The following ASB18 variants were observed in gnomAD, a reference collection of about 807,000 sequenced individuals.
ASB18 encodes the protein ankyrin repeat and SOCS box protein 18.
ASB18 carries 33 observed loss-of-function variants against 33.4 expected under a neutral mutation model. That is an observed-to-expected ratio of 0.99 (90% CI 0.75 to 1.32). The LOEUF is 1.32. Among genes scored for constraint, ASB18 ranks in the 40% most tolerant of loss-of-function variants. ASB18 has a pLI of 0.00. For missense variants in ASB18, 694 were observed against 655.5 expected (o/e 1.06, Z -0.64); for synonymous variants, 295 against 307.6 (o/e 0.96, Z 0.43).
At chr2:236,236,472 A>G (rs1247832005) in intron 3 of ASB18, among the ~76,000 whole-genome samples, 1 of 152,174 alleles carries the variant, frequency 6.6e-6, no homozygotes, top group Non-Finnish European at 1.5e-5. Context: ...ACGAGTGTAT[A>G]AGTCTGCGGA....
At position 236,238,197 on chromosome 2, in the gene ASB18, G is replaced by A. The variant is rs141980124; in HGVS notation, c.329-241C>T. Among the ~76,000 whole-genome samples, 1 of 152,076 alleles carries A rather than the reference G, an allele frequency of 6.6e-6. No homozygotes were observed. The highest frequency in any genetic ancestry group is 1.5e-5 in the Non-Finnish European group (1 of 68,016). On this transcript the variant is annotated intron_variant, in intron 2 of 5. Coordinates refer to ENST00000409749, the MANE Select transcript of ASB18 (RefSeq NM_212556.4). This position sits in a 1 kb window ranked among gnomAD's most constrained non-coding sequence, Gnocchi z 5.2. ...AAAGGAGAGATTGAAGGCTAAAACC[G>A]AGCTAGAGAGATGGGGCGCCGGGTA...
chr2:236,207,019 A>G (rs539293348), intron 4 of ASB18, among the ~76,000 whole-genome samples: 10 of 152,320 alleles, frequency 6.6e-5, no homozygotes, highest in Admixed American at 2.6e-4. Context: ...GACAGAGACA[A>G]AAGAGAGAAA....
At position 236,196,588 on chromosome 2, in the gene ASB18, G is replaced by T. The variant is rs534937038; in HGVS notation, c.1102-203C>A. On this transcript the variant is annotated intron_variant, in intron 4 of 5. Coordinates refer to ENST00000409749, the MANE Select transcript of ASB18 (RefSeq NM_212556.4). This position sits in a 1 kb window ranked among gnomAD's most constrained non-coding sequence, Gnocchi z 5.6. ...AGTGCACACAAAGACACAAGGCAAC[G>T]GCTCTGCAAGGGAGCCCTCCTTCCC... Among the ~76,000 whole-genome samples the T allele has an allele frequency of 6.9e-4, 105 of 152,318 alleles. No individual in the cohort carries two copies. Among genetic ancestry groups the T allele is most frequent in the African/African-American group, 2.3e-3 (96 of 41,590 alleles).
Position 236,263,676 on chromosome 2 carries a change from T to C in ASB18, c.205+465A>G, listed in dbSNP as rs959901560. 3.3e-5 allele frequency among the ~76,000 whole-genome samples: 5 copies of C among 152,188 alleles called. No homozygotes were observed. Among genetic ancestry groups the C allele is most frequent in the Admixed American group, 2.0e-4 (3 of 15,302 alleles). Reference sequence around the variant, plus strand: ...AAGATGTTCGTTACAGCATTATTTATAGAAGCAAAAAGGTAACCAAATACT... The same window carrying C: ...AAGATGTTCGTTACAGCATTATTTACAGAAGCAAAAAGGTAACCAAATACT... On this transcript the variant is annotated intron_variant, in intron 1 of 5. Transcript: ENST00000409749. The surrounding 1 kb of genome is among the most constrained non-coding windows in gnomAD (Gnocchi z 4.0).
chr2:236,212,658 T>C (rs911787474), intron 4 of ASB18, among the ~76,000 whole-genome samples: 1 of 152,232 alleles, frequency 6.6e-6, no homozygotes, highest in Non-Finnish European at 1.5e-5. Context: ...AGGGTCTTGC[T>C]CTATCACCCA....
rs147437129 is a variant in ASB18, at chr2:236,251,445, G to A, written c.206-10043C>T. 7.0e-4 allele frequency among the ~76,000 whole-genome samples: 107 copies of A among 152,284 alleles called. No individual in the cohort carries two copies. Among genetic ancestry groups the A allele is most frequent in the Middle Eastern group, 3.4e-3 (1 of 294 alleles). On this transcript the variant is annotated intron_variant, in intron 1 of 5. Transcript: ENST00000409749. This position sits in a 1 kb window ranked among gnomAD's most constrained non-coding sequence, Gnocchi z 5.3. Reference sequence around the variant, plus strand: ...GCTCCTGCCTCTTGAGACAAATTGCGTGTTCAGACTGATTGTTTTTTATGA... The same window carrying A: ...GCTCCTGCCTCTTGAGACAAATTGCATGTTCAGACTGATTGTTTTTTATGA...
Position 236,208,716 on chromosome 2 carries a change from C to T in ASB18, c.1101+5646G>A, listed in dbSNP as rs1293010368. On this transcript the variant is annotated intron_variant, in intron 4 of 5. Transcript: ENST00000409749. The surrounding 1 kb of genome is among the most constrained non-coding windows in gnomAD (Gnocchi z 7.7). ...CTCTGTTCCACCTCTCTGGGGCTCCCTGCCCCTCCCCGTCCTCTGCATCGT... is the reference window on the plus strand; with the variant it reads ...CTCTGTTCCACCTCTCTGGGGCTCCTTGCCCCTCCCCGTCCTCTGCATCGT... Among the ~76,000 whole-genome samples the T allele has an allele frequency of 6.6e-6, 1 of 152,204 alleles. No homozygotes were observed. Among genetic ancestry groups the T allele is most frequent in the African/African-American group, 2.4e-5 (1 of 41,448 alleles).
rs1364787909 is a variant in ASB18, at chr2:236,221,971, A to C, written c.597-7105T>G. Among the ~76,000 whole-genome samples, 1 of 152,198 alleles carries C rather than the reference A, an allele frequency of 6.6e-6. No homozygotes were observed. The highest frequency in any genetic ancestry group is 1.5e-5 in the Non-Finnish European group (1 of 68,032). On this transcript the variant is annotated intron_variant, in intron 3 of 5. Transcript: ENST00000409749. This position sits in a 1 kb window ranked among gnomAD's most constrained non-coding sequence, Gnocchi z 5.6. ...CTGGGTCCCAGGGTGGGTGCTGGGC[A>C]TGTGCCAGCCTATGGGGGCAAGGTT...
At chr2:236,224,659 T>C (rs948279624) in intron 3 of ASB18, among the ~76,000 whole-genome samples, 1 of 152,248 alleles carries the variant, frequency 6.6e-6, no homozygotes, top group African/African-American at 2.4e-5. Context: ...TGTGCAACCT[T>C]ACTGGCATAA....
At chr2:236,199,320 G>A (rs550987803) in intron 4 of ASB18, among the ~76,000 whole-genome samples, 163 of 151,342 alleles carry the variant, frequency 1.1e-3, no homozygotes, top group African/African-American at 3.4e-3. Flanking sequence ...GCTGAGGCAG[G>A]AGAATCGCTT....
chr2:236,259,118 T>A lies in ASB18; in HGVS notation c.205+5023A>T, dbSNP rs747666594. Among the ~76,000 whole-genome samples the A allele has an allele frequency of 1.4e-4, 21 of 152,154 alleles. No homozygotes were observed. The highest frequency in any genetic ancestry group is 2.6e-4 in the Non-Finnish European group (18 of 68,030). On this transcript the variant is annotated intron_variant, in intron 1 of 5. Transcript: ENST00000409749. This position sits in a 1 kb window ranked among gnomAD's most constrained non-coding sequence, Gnocchi z 4.4. The stretch of plus-strand genomic sequence containing the variant: ...TTCTCTGCAGCTACTAACCAATTGG[T>A]ATTGAAAAGAGGCAAGCACAAATAA...
chr2:236,218,797 CAAAAAAAAAAAA>C (rs574423455), intron 3 of ASB18, among the ~76,000 whole-genome samples: 1 of 91,610 alleles, frequency 1.1e-5, no homozygotes, highest in African/African-American at 3.3e-5. Context: ...GACTCCATCT[CAAAAAAAAAAAA>C]AAAAAAAGAA....
In ASB18 at chr2:236,234,056, G is replaced by C. The variant is rs1052273158; in HGVS notation, c.596+3633C>G. Among the ~76,000 whole-genome samples, 2 of 152,214 alleles carry C rather than the reference G, an allele frequency of 1.3e-5. No homozygotes were observed. Among genetic ancestry groups the C allele is most frequent in the African/African-American group, 4.8e-5 (2 of 41,462 alleles). On this transcript the variant is annotated intron_variant, in intron 3 of 5. Coordinates refer to ENST00000409749, the MANE Select transcript of ASB18 (RefSeq NM_212556.4). The surrounding 1 kb of genome is among the most constrained non-coding windows in gnomAD (Gnocchi z 4.1). ...ATTGGTGTTAAAACAGGCAAATAGA[G>C]CAATGAAACAGAATAGAGATGAAGG...
rs1273485349 is a variant in ASB18, at chr2:236,226,299, G to C, written c.596+11390C>G. ...GCTGTTACAGAGTTCTGCCTGAAATGCTGGTTGATTCATCACTTATCTTAA... is the reference window on the plus strand; with the variant it reads ...GCTGTTACAGAGTTCTGCCTGAAATCCTGGTTGATTCATCACTTATCTTAA... On this transcript the variant is annotated intron_variant, in intron 3 of 5. Transcript: ENST00000409749. This position sits in a 1 kb window ranked among gnomAD's most constrained non-coding sequence, Gnocchi z 4.8. Among the ~76,000 whole-genome samples the C allele has an allele frequency of 1.3e-5, 2 of 152,154 alleles. No individual in the cohort carries two copies. The highest frequency in any genetic ancestry group is 1.3e-4 in the Admixed American group (2 of 15,276).
rs945903717 is a variant in ASB18 at position 236,238,600 on chromosome 2, G to A, written c.329-644C>T. Among the ~76,000 whole-genome samples the A allele has an allele frequency of 1.1e-5, 1 of 94,830 alleles. No homozygotes were observed. Among genetic ancestry groups the A allele is most frequent in the Non-Finnish European group, 2.0e-5 (1 of 49,956 alleles). The allele number at this position is 94,830 out of a possible 152,430, so 62.2% of individuals were successfully genotyped here. ...GCACAATCCTGGTTTGTTTCTTTGCGCTTTTTAGGGGTGTGTGTGTGTGTG... is the reference window on the plus strand; with the variant it reads ...GCACAATCCTGGTTTGTTTCTTTGCACTTTTTAGGGGTGTGTGTGTGTGTG... On this transcript the variant is annotated intron_variant, in intron 2 of 5. Coordinates refer to ENST00000409749, the MANE Select transcript of ASB18 (RefSeq NM_212556.4). The surrounding 1 kb of genome is among the most constrained non-coding windows in gnomAD (Gnocchi z 5.2).
In ASB18 at chr2:236,255,863, C is replaced by G. The variant is rs1395058208; in HGVS notation, c.205+8278G>C. On this transcript the variant is annotated intron_variant, in intron 1 of 5. Coordinates refer to ENST00000409749, the MANE Select transcript of ASB18 (RefSeq NM_212556.4). This position sits in a 1 kb window ranked among gnomAD's most constrained non-coding sequence, Gnocchi z 4.4. The stretch of plus-strand genomic sequence containing the variant: ...TGTCCCACGTGCCATGCCTTGGGTG[C>G]ACTACGTTTCCTGCTCGCCTCCCTT... Among the ~76,000 whole-genome samples the G allele has an allele frequency of 6.6e-6, 1 of 152,146 alleles. No individual in the cohort carries two copies. Among genetic ancestry groups the G allele is most frequent in the Admixed American group, 6.5e-5 (1 of 15,282 alleles).
Position 236,238,770 on chromosome 2 carries a change from G to A in ASB18, c.329-814C>T, listed in dbSNP as rs2060608474. 6.6e-6 allele frequency among the ~76,000 whole-genome samples: 1 copy of A among 152,178 alleles called. No individual in the cohort carries two copies. The highest frequency in any genetic ancestry group is 2.4e-5 in the African/African-American group (1 of 41,444). On this transcript the variant is annotated intron_variant, in intron 2 of 5. Coordinates refer to ENST00000409749, the MANE Select transcript of ASB18 (RefSeq NM_212556.4). This position sits in a 1 kb window ranked among gnomAD's most constrained non-coding sequence, Gnocchi z 5.2. Reference sequence around the variant, plus strand: ...GTGGAAATGGGGGATGTAGTCCCTGGTGAATACACATCAAGGGGCAGGATT... The same window carrying A: ...GTGGAAATGGGGGATGTAGTCCCTGATGAATACACATCAAGGGGCAGGATT...
At position 236,226,319 on chromosome 2, in the gene ASB18, T is replaced by C. The variant is rs61229934; in HGVS notation, c.596+11370A>G. ...GAAATGCTGGTTGATTCATCACTTA[T>C]CTTAAACTTTCCCCCAATAATCTGG... On this transcript the variant is annotated intron_variant, in intron 3 of 5. Transcript: ENST00000409749. This position sits in a 1 kb window ranked among gnomAD's most constrained non-coding sequence, Gnocchi z 4.8. Among the ~76,000 whole-genome samples, 6,950 of 152,182 alleles carry C rather than the reference T, an allele frequency of 0.046. 303 individuals are homozygous for C. Among genetic ancestry groups the C allele is most frequent in the African/African-American group, 0.12 (4,903 of 41,480 alleles).
In ASB18 at chr2:236,196,238, G is replaced by A; in HGVS notation, c.1215+34C>T. ...AGAAGCAAAAACAGACAAAAGTTTT[G>A]TACTAAAGATGGGCAGAAAGGCAGC... is the stretch of plus-strand genomic sequence containing the variant. On this transcript the variant is annotated intron_variant, in intron 5 of 5. Coordinates refer to ENST00000409749, the MANE Select transcript of ASB18 (RefSeq NM_212556.4). The surrounding 1 kb of genome is among the most constrained non-coding windows in gnomAD (Gnocchi z 5.6). The A allele has an allele frequency of 1.6e-6, 2 of 1,220,692 alleles. No individual in the cohort carries two copies. The highest frequency in any genetic ancestry group is 2.4e-6 in the Non-Finnish European group (2 of 844,846). 75.6% of individuals were successfully genotyped at this position (1,220,692 alleles called of 1,614,324 possible).
Sources: allele counts gnomAD v4.1 joint callset (sites outside exome capture counted in the v4.1 genomes callset), GRCh38; gene constraint gnomAD v4.1.1; non-coding constraint Gnocchi (gnomAD v3.1); transcripts MANE v1.5; gene names NCBI Gene and HGNC (gene_info 2026-07-23, HGNC 2026-07-21).